The following CPQ variants were observed in gnomAD, a reference collection of about 807,000 sequenced individuals.
CPQ encodes the protein Ser-Met dipeptidase.
CPQ carries 37 observed loss-of-function variants against 45.7 expected under a neutral mutation model. The observed-to-expected ratio is 0.81, with a 90% CI of 0.62 to 1.07. The LOEUF is 1.07. Among genes scored for constraint, CPQ ranks in the 50% least tolerant of loss-of-function variants. CPQ has a pLI of 0.00. For synonymous variants in CPQ, 186 were observed against 205.8 expected (o/e 0.90, Z 0.82); for missense variants, 537 against 572.9 (o/e 0.94, Z 0.64).
chr8:96,865,333 G>C (rs1035972061), intron 3 of CPQ, among the ~76,000 whole-genome samples: 1 of 151,998 alleles, frequency 6.6e-6, no homozygotes, highest in African/African-American at 2.4e-5. Flanking sequence ...TAGAGAGGCG[G>C]GTGTTGAGAT....
intron 4 of CPQ, among the ~76,000 whole-genome samples, chr8:96,883,088 A>G (rs115188636): frequency 6.6e-6 from 1 of 152,176 alleles, no homozygotes; most frequent in Non-Finnish European, 1.5e-5. Flanking sequence ...AGATGTATCC[A>G]TGTTGTTGAT....
intron 3 of CPQ, among the ~76,000 whole-genome samples, chr8:96,863,434 C>T (rs557745651): frequency 6.6e-6 from 1 of 151,962 alleles, no homozygotes; most frequent in Non-Finnish European, 1.5e-5. Context: ...AACCTGAAGG[C>T]TGACCCTGGA....
chr8:96,943,469 A>G (rs1324188479), intron 4 of CPQ, among the ~76,000 whole-genome samples: 3 of 152,158 alleles, frequency 2.0e-5, no homozygotes, highest in Non-Finnish European at 2.9e-5. Flanking sequence ...CACGATTTCT[A>G]TATATTCTGC....
intron 2 of CPQ, among the ~76,000 whole-genome samples, chr8:96,818,261 G>T (rs1811256198): frequency 6.6e-6 from 1 of 151,800 alleles, no homozygotes; most frequent in Admixed American, 6.6e-5. Flanking sequence ...TTCCGGACAA[G>T]TCAGAACACA....
At chr8:97,074,127 C>T (rs1464349544) in intron 7 of CPQ, among the ~76,000 whole-genome samples, 3 of 152,180 alleles carry the variant, frequency 2.0e-5, no homozygotes, top group Non-Finnish European at 4.4e-5. Context: ...TATGAAGTCT[C>T]TTCTATTGTT....
At chr8:97,040,012 T>C (rs1484433887) in intron 6 of CPQ, among the ~76,000 whole-genome samples, 4 of 152,084 alleles carry the variant, frequency 2.6e-5, no homozygotes, top group Admixed American at 2.6e-4. Context: ...ATGGGATGGC[T>C]GGGTCAAATG....
intron 4 of CPQ, among the ~76,000 whole-genome samples, chr8:96,883,575 G>C (rs1332249428): frequency 7.9e-5 from 12 of 152,200 alleles, no homozygotes; most frequent in Admixed American, 7.8e-4. Context: ...AGTCAAGTCT[G>C]TGGTTGCGTT....
At chr8:96,668,879 A>T (rs1808962873) in intron 1 of CPQ, among the ~76,000 whole-genome samples, 1 of 152,138 alleles carries the variant, frequency 6.6e-6, no homozygotes, top group Admixed American at 6.5e-5. Flanking sequence ...GACAAAAAAA[A>T]AAAATCTCCA....
At chr8:97,123,341 AAAT>A (rs1397400862) in intron 7 of CPQ, among the ~76,000 whole-genome samples, 1 of 149,118 alleles carries the variant, frequency 6.7e-6, no homozygotes, top group Non-Finnish European at 1.5e-5. Flanking sequence ...TTCAAATAAA[AAAT>A]AATAAAGATA....
At chr8:97,076,729 A>G (rs774869443) in intron 7 of CPQ, among the ~76,000 whole-genome samples, 10 of 152,122 alleles carry the variant, frequency 6.6e-5, no homozygotes, top group Non-Finnish European at 8.8e-5. Context: ...GTGGGCTAAA[A>G]TGCTTTCTAG....
chr8:96,952,196 G>A (rs2130339363), intron 4 of CPQ, among the ~76,000 whole-genome samples: 1 of 152,148 alleles, frequency 6.6e-6, no homozygotes, highest in Admixed American at 6.5e-5. Flanking sequence ...GCAGTCAAAA[G>A]TAGCTTCTGC....
chr8:96,828,609 A>C (rs1050627457), intron 2 of CPQ, among the ~76,000 whole-genome samples: 3 of 151,858 alleles, frequency 2.0e-5, no homozygotes, highest in Non-Finnish European at 2.9e-5. Context: ...TACTGCTTGA[A>C]CCTGACTGAG....
chr8:96,998,686 TG>T (rs1283481283), intron 5 of CPQ, among the ~76,000 whole-genome samples: 2 of 151,916 alleles, frequency 1.3e-5, no homozygotes, highest in African/African-American at 4.8e-5. Flanking sequence ...CTTTTCTGAA[TG>T]GGGAGATATG....
chr8:97,136,179 C>CA (rs146629263), intron 7 of CPQ, among the ~76,000 whole-genome samples: 5,863 of 140,368 alleles, frequency 0.042, 345 homozygotes, highest in African/African-American at 0.14. Flanking sequence ...TGAGTGTTTA[C>CA]AAAAAAAAAA....
chr8:96,820,455 T>A (rs1198108330), intron 2 of CPQ, among the ~76,000 whole-genome samples: 1 of 152,008 alleles, frequency 6.6e-6, no homozygotes, highest in Non-Finnish European at 1.5e-5. Context: ...TTCTATTTGT[T>A]TCTTTGACTC....
intron 7 of CPQ, among the ~76,000 whole-genome samples, chr8:97,135,682 T>C (rs1812043872): frequency 6.6e-6 from 1 of 152,192 alleles, no homozygotes; most frequent in Admixed American, 6.5e-5. Flanking sequence ...ATCTATAATA[T>C]ATTCCATGGC....
At chr8:96,996,639 A>G (rs1477937559) in intron 5 of CPQ, among the ~76,000 whole-genome samples, 1 of 152,038 alleles carries the variant, frequency 6.6e-6, no homozygotes. Context: ...ATTTATGAAT[A>G]TTGTTCTTAA....
chr8:96,699,513 A>G (rs1809428451), intron 1 of CPQ, among the ~76,000 whole-genome samples: 1 of 152,196 alleles, frequency 6.6e-6, no homozygotes, highest in Non-Finnish European at 1.5e-5. Flanking sequence ...TACACAAAGG[A>G]TAAATGCTTG....
In CPQ at chr8:96,835,046, G is replaced by A; in HGVS notation, c.507G>A (p.Lys169=). The A allele has an allele frequency of 6.2e-7, 1 of 1,613,770 alleles. No individual in the cohort carries two copies. Among genetic ancestry groups the A allele is most frequent in the Non-Finnish European group, 8.5e-7 (1 of 1,179,832 alleles). The change falls in exon 3 of 8, where the codon AAG becomes AAA. Residue 169 remains lysine (K), a synonymous_variant. Coordinates refer to ENST00000220763, the MANE Select transcript of CPQ (RefSeq NM_016134.4). ...GAAGGGCCTCAGAAGCAAGAGGGAA[G>A]ATTGTTGTTTATAACCAACCTTACA... The part of the protein sequence containing the change: ...LQRRASEARG[K]IVVYNQPYIN...
Sources: allele counts gnomAD v4.1 joint callset (sites outside exome capture counted in the v4.1 genomes callset), GRCh38; gene constraint gnomAD v4.1.1; transcripts MANE v1.5; gene names NCBI Gene and HGNC (gene_info 2026-07-23, HGNC 2026-07-21).